Variants in LPP observed in about 807,000 individuals in gnomAD.
LPP encodes LIM domain containing preferred translocation partner in lipoma, also known as lipoma-preferred partner.
A neutral mutation model predicts 60.4 loss-of-function variants in LPP; 38 were observed. That is an observed-to-expected ratio of 0.63 (90% confidence interval 0.49 to 0.83). The LOEUF (loss-of-function observed/expected upper bound fraction) is 0.83, where lower values mean the gene tolerates loss of function less well. Ranked by LOEUF, LPP falls within the 40% of genes least tolerant of loss-of-function variation. The pLI is 0.00. For missense variants in LPP, 902 were observed against 783.6 expected (o/e 1.15, Z -1.80); for synonymous variants, 328 against 290.8 (o/e 1.13, Z -1.30).
chr3:188,217,453 G>A lies in LPP; in HGVS notation c.-189-7952G>A, dbSNP rs1714090610. The stretch of plus-strand genomic sequence containing the variant: ...TCTTAGACCTGAGTCCAGATGTGAT[G>A]GGTTATGTGTTACAGGCATCTTTCC... On this transcript the variant is annotated intron_variant, in intron 1 of 11. Coordinates refer to ENST00000617246, the MANE Select transcript of LPP (RefSeq NM_001375462.1). This position sits in a 1 kb window ranked among gnomAD's most constrained non-coding sequence, Gnocchi z 4.0. Among the ~76,000 whole-genome samples the A allele has an allele frequency of 6.6e-6, 1 of 152,126 alleles. No individual in the cohort carries two copies. Among genetic ancestry groups the A allele is most frequent in the Admixed American group, 6.6e-5 (1 of 15,264 alleles).
rs777127864 is a variant in LPP, at chr3:188,760,435, T to TGTGTGTGTGTGTGTGTGC, written c.1410+154_1410+155insTGTGTGTGTGTGTGTGCG. Among the ~76,000 whole-genome samples, 693 of 151,168 alleles carry TGTGTGTGTGTGTGTGTGC rather than the reference T, an allele frequency of 4.6e-3. 5 individuals carry two copies. The highest frequency in any genetic ancestry group is 7.9e-3 in the Non-Finnish European group (537 of 67,796). The stretch of plus-strand genomic sequence containing the variant: ...GTGTGTGTGTGTGTGTGTGTGTGTG[T>TGTGTGTGTGTGTGTGTGC]GCGTGCGCGCATGTAAATTAGCATA... On this transcript the variant is annotated intron_variant, in intron 9 of 11. Transcript: ENST00000617246.
intron 1 of LPP, among the ~76,000 whole-genome samples, chr3:188,163,221 A>G (rs1718848011): frequency 6.6e-6 from 1 of 152,146 alleles, no homozygotes; most frequent in Non-Finnish European, 1.5e-5. Context: ...ATCCCTCTGT[A>G]GTTCAAATGG....
At position 188,887,813 on chromosome 3, in the gene LPP, T is replaced by G. The variant is rs1467877367; in HGVS notation, c.*13334T>G. 1 of 209,450 alleles carries G rather than the reference T, an allele frequency of 4.8e-6. No individual in the cohort carries two copies. The highest frequency in any genetic ancestry group is 9.7e-6 in the Non-Finnish European group (1 of 103,066). The allele number at this position is 209,450 out of a possible 1,614,324, so 13.0% of individuals were successfully genotyped here. On this transcript the variant is annotated 3_prime_UTR_variant, in exon 12 of 12. Coordinates refer to ENST00000617246, the MANE Select transcript of LPP (RefSeq NM_001375462.1). ...ATAGTAAAGTAGTAGCAAAATTATT[T>G]TTAAAAGACTTTCTTCCTTTTACTA... is the stretch of plus-strand genomic sequence containing the variant.
At chr3:188,551,177 G>A (rs1371343529) in intron 6 of LPP, among the ~76,000 whole-genome samples, 7 of 152,194 alleles carry the variant, frequency 4.6e-5, no homozygotes, top group Non-Finnish European at 1.0e-4. Context: ...TGGCTGGGGA[G>A]GACTCAGAGT....
At chr3:188,395,578 C>T (rs965933706) in intron 3 of LPP, among the ~76,000 whole-genome samples, 6 of 151,946 alleles carry the variant, frequency 3.9e-5, no homozygotes, top group Middle Eastern at 3.4e-3. Flanking sequence ...ATTAGAGAAT[C>T]GGAGATTAAA....
chr3:188,770,247 C>T (rs1244711425), intron 9 of LPP, among the ~76,000 whole-genome samples: 3 of 140,596 alleles, frequency 2.1e-5, no homozygotes, highest in Non-Finnish European at 3.0e-5. Flanking sequence ...GGTGCAATCT[C>T]GGCTCACCGC....
intron 9 of LPP, among the ~76,000 whole-genome samples, chr3:188,794,759 GA>G (rs1002473272): frequency 6.6e-6 from 1 of 151,908 alleles, no homozygotes; most frequent in African/African-American, 2.4e-5. Flanking sequence ...ACAAGAGCCA[GA>G]AAAAAATGGC....
chr3:188,166,150 A>G (rs1460918846), intron 1 of LPP, among the ~76,000 whole-genome samples: 2 of 151,580 alleles, frequency 1.3e-5, no homozygotes, highest in Non-Finnish European at 2.9e-5. Flanking sequence ...AAGACCTATC[A>G]ACCCTGATTT....
chr3:188,664,332 A>G (rs1158163119), intron 7 of LPP, among the ~76,000 whole-genome samples: 3 of 152,184 alleles, frequency 2.0e-5, no homozygotes, highest in Admixed American at 2.0e-4. Flanking sequence ...TCATTTCGGC[A>G]TGCCGCTAAA....
intron 2 of LPP, among the ~76,000 whole-genome samples, chr3:188,295,029 A>G (rs1040136867): frequency 6.6e-6 from 1 of 152,166 alleles, no homozygotes; most frequent in Non-Finnish European, 1.5e-5. Context: ...TCATTGTCCC[A>G]CCTTCTCTGA....
rs537787690 is a variant in LPP, at chr3:188,610,080, T to C, written c.1113+236T>C. Among the ~76,000 whole-genome samples the C allele has an allele frequency of 7.9e-4, 120 of 152,288 alleles. No individual in the cohort carries two copies. The highest frequency in any genetic ancestry group is 1.6e-3 in the Non-Finnish European group (108 of 68,012). ...GCTTGCTCAATCTCAGAGAATCATC[T>C]TCCAAAGCCCACAGACACCATAGCA... On this transcript the variant is annotated intron_variant, in intron 7 of 11. Coordinates refer to ENST00000617246, the MANE Select transcript of LPP (RefSeq NM_001375462.1). This position sits in a 1 kb window ranked among gnomAD's most constrained non-coding sequence, Gnocchi z 4.4.
At chr3:188,386,732 G>C (rs1482574774) in intron 3 of LPP, among the ~76,000 whole-genome samples, 1 of 152,174 alleles carries the variant, frequency 6.6e-6, no homozygotes, top group Non-Finnish European at 1.5e-5. Flanking sequence ...TTGTGAGGAA[G>C]GACATACTTT....
At chr3:188,824,091 G>C (rs989001194) in intron 9 of LPP, among the ~76,000 whole-genome samples, 4 of 152,118 alleles carry the variant, frequency 2.6e-5, no homozygotes, top group African/African-American at 9.7e-5. Context: ...ATAACCGAGA[G>C]AGTTATATTG....
intron 3 of LPP, among the ~76,000 whole-genome samples, chr3:188,367,401 C>T (rs1004366967): frequency 2.6e-5 from 4 of 152,052 alleles, no homozygotes; most frequent in Non-Finnish European, 5.9e-5. Flanking sequence ...ATTTTAGTTG[C>T]CTATTGTCAC....
chr3:188,737,477 A>G (rs989934992), intron 8 of LPP, among the ~76,000 whole-genome samples: 1 of 151,952 alleles, frequency 6.6e-6, no homozygotes, highest in Non-Finnish European at 1.5e-5. Context: ...GAATTTTAGA[A>G]CTCCGCTCCA....
At chr3:188,825,265 C>CTG (rs1324379943) in intron 9 of LPP, among the ~76,000 whole-genome samples, 10 of 100,728 alleles carry the variant, frequency 9.9e-5, no homozygotes, top group South Asian at 4.7e-4. Flanking sequence ...CTCTCTCTCT[C>CTG]TCTCTGTGTG....
At chr3:188,608,569 G>A (rs1849915) in intron 6 of LPP, among the ~76,000 whole-genome samples, 86,554 of 151,962 alleles carry the variant, frequency 0.57, 26,600 homozygotes, top group Non-Finnish European at 0.71. Context: ...TTTGATTACT[G>A]TAGCTTTGTA....
chr3:188,290,677 G>T (rs941168340), intron 2 of LPP, among the ~76,000 whole-genome samples: 2 of 152,208 alleles, frequency 1.3e-5, no homozygotes, highest in African/African-American at 4.8e-5. Context: ...CCTTGGAAAA[G>T]TTCTTGGCTT....
chr3:188,484,804 G>A (rs1260203344), intron 5 of LPP, 100 bp downstream of exon 5: 4 of 877,036 alleles, frequency 4.6e-6, no homozygotes, highest in Non-Finnish European at 7.5e-6. Context: ...GTGTTTCTGT[G>A]CTGGATAAAC....
Sources: allele counts gnomAD v4.1 joint callset (sites outside exome capture counted in the v4.1 genomes callset), GRCh38; gene constraint gnomAD v4.1.1; non-coding constraint Gnocchi (gnomAD v3.1); transcripts MANE v1.5; gene names NCBI Gene and HGNC (gene_info 2026-07-23, HGNC 2026-07-21).